Variants in SLC1A2 observed in about 807,000 individuals in gnomAD.
SLC1A2 encodes solute carrier family 1 member 2.
In SLC1A2, 15 loss-of-function variants were observed where a neutral mutation model predicts 48.8. The ratio of observed to expected loss-of-function variants is 0.31; its 90% confidence interval spans 0.21 to 0.47. The LOEUF (loss-of-function observed/expected upper bound fraction) is 0.47, where lower values mean the gene tolerates loss of function less well. Among genes scored for constraint, SLC1A2 ranks in the 20% least tolerant of loss-of-function variants. The pLI is 0.99. For synonymous variants in SLC1A2, 279 were observed against 272.6 expected, an observed-to-expected ratio of 1.02 and a Z score of -0.23; for missense variants, 502 against 730.5, an observed-to-expected ratio of 0.69 and a Z score of 3.61.
chr11:35,283,784 T>TTGAAAGGCTTGATCTTC (rs1850717067), intron 8 of SLC1A2, among the ~76,000 whole-genome samples: 1 of 152,110 alleles, frequency 6.6e-6, no homozygotes, highest in African/African-American at 2.4e-5. Flanking sequence ...GGACATAATT[T>TTGAAAGGCTTGATCTTC]TGAAAGGCTT....
intron 1 of SLC1A2, among the ~76,000 whole-genome samples, chr11:35,319,924 T>A (rs576131267): frequency 1.4e-4 from 21 of 152,312 alleles, no homozygotes; most frequent in African/African-American, 5.1e-4. Flanking sequence ...TGTTTGCACA[T>A]AGAAAATAAT....
intron 1 of SLC1A2, among the ~76,000 whole-genome samples, chr11:35,371,956 C>G (rs2135168911): frequency 1.3e-5 from 2 of 152,290 alleles, no homozygotes; most frequent in South Asian, 4.1e-4. Context: ...TGATAGTAGC[C>G]TGAGAGTTCT....
chr11:35,302,802 G>A (rs1851393913), intron 5 of SLC1A2, among the ~76,000 whole-genome samples: 2 of 151,044 alleles, frequency 1.3e-5, no homozygotes, highest in South Asian at 4.2e-4. Context: ...CGGCTTACAG[G>A]TGTTTCCAGT....
chr11:35,384,631 C>G (rs1854530189), intron 1 of SLC1A2, among the ~76,000 whole-genome samples: 1 of 152,180 alleles, frequency 6.6e-6, no homozygotes, highest in Non-Finnish European at 1.5e-5. Flanking sequence ...GTTGAAGTTA[C>G]CTATGCATTT....
At chr11:35,315,218 C>A in intron 2 of SLC1A2, 43 bp from the exon 3 acceptor site, 2 of 1,504,664 alleles carry the variant, frequency 1.3e-6, no homozygotes, top group Non-Finnish European at 1.8e-6. Context: ...TTTTTGCCTT[C>A]GTCAAATGAC....
rs549318956 is a variant in SLC1A2 at position 35,337,687 on chromosome 11, G to A, written c.18-20171C>T. Among the ~76,000 whole-genome samples the A allele has an allele frequency of 2.0e-5, 3 of 152,256 alleles. No individual in the cohort carries two copies. The East Asian group carries it at 5.8e-4, about 29-fold the overall frequency. On this transcript the variant is annotated intron_variant, in intron 1 of 10. Transcript: ENST00000278379. ...CTTTAAGGTTGCAGAAGAAACAGCT[G>A]CAAACTCCAAAACTGCCCCAGCTTG...
chr11:35,270,126 T>C (rs1287272678), intron 9 of SLC1A2, among the ~76,000 whole-genome samples: 1 of 152,178 alleles, frequency 6.6e-6, no homozygotes, highest in Non-Finnish European at 1.5e-5. Context: ...TGAAAGAATA[T>C]TTTAAAATGA....
intron 9 of SLC1A2, among the ~76,000 whole-genome samples, chr11:35,268,201 G>C (rs944048578): frequency 1.3e-5 from 2 of 152,076 alleles, no homozygotes; most frequent in East Asian, 3.9e-4. Flanking sequence ...CAATACCTTT[G>C]ACCAATTGCA....
At chr11:35,324,970 C>A (rs1366592912) in intron 1 of SLC1A2, among the ~76,000 whole-genome samples, 1 of 152,164 alleles carries the variant, frequency 6.6e-6, no homozygotes, top group African/African-American at 2.4e-5. Context: ...AAAGATTATG[C>A]CATGGCCCAG....
At chr11:35,396,439 ATTTTTTCATGTGT>A (rs1234462265) in intron 1 of SLC1A2, among the ~76,000 whole-genome samples, 25 of 131,080 alleles carry the variant, frequency 1.9e-4, no homozygotes, top group Non-Finnish European at 2.7e-4. Context: ...GATGATGAGC[ATTTTTTCATGTGT>A]TTTTTGGCTG....
Position 35,286,942 on chromosome 11 carries a change from A to C in SLC1A2, c.1101T>G (p.Thr367=), listed in dbSNP as rs757938100. 6.2e-7 allele frequency: 1 copy of C among 1,613,900 alleles called. No individual in the cohort carries two copies. The highest frequency in any genetic ancestry group is 1.7e-5 in the Admixed American group (1 of 60,022). ...TALGTASSAG[T]LPVTFRCLEE... is the part of the protein sequence containing the mutation. ...CCAGGCAACGAAAGGTGACAGGCAA[A>C]GTTCCAGCACTGAGAACAAAGAGAA... is the stretch of plus-strand genomic sequence containing the variant. Residue 367 remains threonine, a synonymous_variant, in exon 8 of 11, where the codon ACT becomes ACG. Coordinates refer to ENST00000278379, the MANE Select transcript of SLC1A2 (RefSeq NM_004171.4).
chr11:35,279,586 G>C (rs1052889277), intron 9 of SLC1A2, among the ~76,000 whole-genome samples: 1 of 152,140 alleles, frequency 6.6e-6, no homozygotes, highest in Admixed American at 6.5e-5. Flanking sequence ...ACATACACCT[G>C]AGAAACTTTT....
chr11:35,325,686 G>A (rs946322999), intron 1 of SLC1A2, among the ~76,000 whole-genome samples: 2 of 152,196 alleles, frequency 1.3e-5, no homozygotes, highest in African/African-American at 4.8e-5. Flanking sequence ...AGGCGGGCCA[G>A]GTGAAGTGGT....
chr11:35,308,472 A>C (rs1851583324), intron 4 of SLC1A2, among the ~76,000 whole-genome samples: 1 of 152,192 alleles, frequency 6.6e-6, no homozygotes, highest in African/African-American at 2.4e-5. Flanking sequence ...AGACTGGATA[A>C]TTTATGATAA....
chr11:35,393,301 TC>T (rs983246364), intron 1 of SLC1A2, among the ~76,000 whole-genome samples: 17 of 152,204 alleles, frequency 1.1e-4, no homozygotes, highest in Admixed American at 9.8e-4. Context: ...AGCAGCAGCC[TC>T]TCTGTAAGGA....
chr11:35,327,972 G>A (rs548158641), intron 1 of SLC1A2, among the ~76,000 whole-genome samples: 2 of 152,322 alleles, frequency 1.3e-5, no homozygotes, highest in East Asian at 3.9e-4. Context: ...TCTACACCAA[G>A]GCACTAGGTA....
chr11:35,268,734 C>T (rs1850180125), intron 9 of SLC1A2, among the ~76,000 whole-genome samples: 1 of 151,952 alleles, frequency 6.6e-6, no homozygotes, highest in South Asian at 2.1e-4. Flanking sequence ...TTAACCCTCA[C>T]TGTAACTCTG....
chr11:35,260,968 G>T lies in SLC1A2; in HGVS notation c.1654-3C>A. On this transcript the variant is annotated splice_polypyrimidine_tract_variant and splice_region_variant and intron_variant, in intron 10 of 10. Coordinates refer to ENST00000278379, the MANE Select transcript of SLC1A2 (RefSeq NM_004171.4). ...TTTCCATTGGCTGCCAGAGTTACCT[G>T]AAAATAATTATCATCAACATCCAGC... is the stretch of plus-strand genomic sequence containing the variant. The T allele has an allele frequency of 6.2e-7, 1 of 1,611,704 alleles. No individual in the cohort carries two copies. The highest frequency in any genetic ancestry group is 1.1e-5 in the South Asian group (1 of 91,026).
chr11:35,265,422 AATGTG>A, intron 10 of SLC1A2, 100 bp downstream of exon 10: 1 of 674,736 alleles, frequency 1.5e-6, no homozygotes, highest in South Asian at 1.8e-5. Context: ...TAGGAAAATA[AATGTG>A]ACAATAATAC....
Sources: gnomAD v4.1 joint callset for allele counts (sites outside exome capture counted in the v4.1 genomes callset) on GRCh38, gnomAD v4.1.1 for gene constraint, MANE v1.5 for transcripts, NCBI Gene and HGNC (gene_info 2026-07-23, HGNC 2026-07-21) for gene names.